Variants in ATRNL1 observed in about 807,000 individuals in gnomAD.
ATRNL1 encodes the protein attractin-like protein 1.
ATRNL1 carries 95 observed loss-of-function variants against 182.7 expected under a neutral mutation model. The observed-to-expected ratio is 0.52, with a 90% CI of 0.44 to 0.62. ATRNL1 has a LOEUF of 0.62. Ranked by LOEUF, ATRNL1 falls within the 20% of genes least tolerant of loss-of-function variation. The pLI is 0.00. For synonymous variants in ATRNL1, 576 were observed against 568.3 expected (o/e 1.01, Z -0.19); for missense variants, 1,471 against 1,679.5 (o/e 0.88, Z 2.17).
intron 26 of ATRNL1, among the ~76,000 whole-genome samples, chr10:115,651,254 A>G (rs1859981244): frequency 6.6e-6 from 1 of 150,630 alleles, no homozygotes; most frequent in Non-Finnish European, 1.5e-5. Context: ...AGGGCTACCT[A>G]TTGGGTACTA....
intron 26 of ATRNL1, among the ~76,000 whole-genome samples, chr10:115,604,588 C>A (rs1856777429): frequency 6.6e-6 from 1 of 152,132 alleles, no homozygotes; most frequent in Non-Finnish European, 1.5e-5. Flanking sequence ...CTGATTGACA[C>A]CCTACAACTC....
chr10:115,389,564 A>ATATATATATG (rs1843893488), intron 19 of ATRNL1, among the ~76,000 whole-genome samples: 1 of 112,876 alleles, frequency 8.9e-6, no homozygotes, highest in Non-Finnish European at 1.9e-5. Context: ...ATATATATAT[A>ATATATATATG]TATATATATA....
intron 19 of ATRNL1, among the ~76,000 whole-genome samples, chr10:115,346,532 A>G (rs1323550159): frequency 1.3e-5 from 2 of 152,190 alleles, no homozygotes; most frequent in Admixed American, 6.5e-5. Context: ...TCTTACACAC[A>G]TCATATTTTA....
At chr10:115,891,928 A>T (rs186082164) in intron 28 of ATRNL1, among the ~76,000 whole-genome samples, 1 of 152,324 alleles carries the variant, frequency 6.6e-6, no homozygotes, top group African/African-American at 2.4e-5. Flanking sequence ...TCAATTCATT[A>T]CAAATGTGCA....
At chr10:115,154,554 A>G (rs1846408972) in intron 5 of ATRNL1, among the ~76,000 whole-genome samples, 1 of 152,092 alleles carries the variant, frequency 6.6e-6, no homozygotes, top group South Asian at 2.1e-4. Flanking sequence ...ATCAGAGAAA[A>G]AGAATTGCAA....
At chr10:115,791,541 G>A (rs983214276) in intron 27 of ATRNL1, among the ~76,000 whole-genome samples, 14 of 152,100 alleles carry the variant, frequency 9.2e-5, no homozygotes, top group African/African-American at 3.4e-4. Context: ...GTATATTTGT[G>A]AATAATAATA....
chr10:115,314,457 G>A (rs951293201), intron 17 of ATRNL1, among the ~76,000 whole-genome samples: 30 of 152,154 alleles, frequency 2.0e-4, no homozygotes, highest in African/African-American at 7.2e-4. Flanking sequence ...ATTATACAAT[G>A]AAATTGAGTC....
intron 21 of ATRNL1, among the ~76,000 whole-genome samples, chr10:115,449,803 A>G (rs1847196940): frequency 6.6e-6 from 1 of 152,212 alleles, no homozygotes; most frequent in Non-Finnish European, 1.5e-5. Context: ...TTTCAATGCC[A>G]GCATCATCCT....
chr10:115,177,927 T>TC (rs1847593495), intron 8 of ATRNL1, among the ~76,000 whole-genome samples: 2 of 144,292 alleles, frequency 1.4e-5, no homozygotes, highest in African/African-American at 5.1e-5. Context: ...TTTTTTTGTT[T>TC]TTTTTTTTTT....
At chr10:115,750,497 C>G (rs1350323127) in intron 27 of ATRNL1, among the ~76,000 whole-genome samples, 1 of 151,670 alleles carries the variant, frequency 6.6e-6, no homozygotes, top group African/African-American at 2.4e-5. Flanking sequence ...AATTCAAAAA[C>G]TATTATGTTA....
At chr10:115,874,224 G>A (rs1951649081) in intron 28 of ATRNL1, among the ~76,000 whole-genome samples, 1 of 152,142 alleles carries the variant, frequency 6.6e-6, no homozygotes, top group Non-Finnish European at 1.5e-5. Flanking sequence ...TTAGAAAGCA[G>A]CATCCATAGC....
chr10:115,650,547 G>A (rs985401517), intron 26 of ATRNL1, among the ~76,000 whole-genome samples: 5 of 151,932 alleles, frequency 3.3e-5, no homozygotes, highest in Non-Finnish European at 5.9e-5. Flanking sequence ...ACTTCCAGTG[G>A]AACGCACACA....
chr10:115,134,236 G>A (rs1264786), intron 5 of ATRNL1, among the ~76,000 whole-genome samples: 6,368 of 151,554 alleles, frequency 0.042, 442 homozygotes, highest in African/African-American at 0.14. Context: ...CAAAAAATCA[G>A]TGAATCCAGG....
intron 8 of ATRNL1, among the ~76,000 whole-genome samples, chr10:115,195,526 G>A (rs1280160929): frequency 2.0e-5 from 3 of 151,850 alleles, no homozygotes; most frequent in African/African-American, 7.3e-5. Flanking sequence ...GCTGCTTTTG[G>A]ATCTGTTCCT....
intron 26 of ATRNL1, among the ~76,000 whole-genome samples, chr10:115,649,352 T>G (rs1555033694): frequency 6.6e-6 from 1 of 152,162 alleles, no homozygotes. Flanking sequence ...AATTAACGTT[T>G]TATTTCCAGC....
At chr10:115,738,498 C>T (rs1309353668) in intron 27 of ATRNL1, among the ~76,000 whole-genome samples, 4 of 151,962 alleles carry the variant, frequency 2.6e-5, no homozygotes, top group African/African-American at 9.7e-5. Context: ...ATAGGCACAC[C>T]TTTGGTTCTT....
intron 10 of ATRNL1, among the ~76,000 whole-genome samples, chr10:115,256,017 T>C (rs1851112898): frequency 6.6e-6 from 1 of 152,218 alleles, no homozygotes; most frequent in African/African-American, 2.4e-5. Flanking sequence ...AGCTTTTTGA[T>C]GTGCTGATGG....
At chr10:115,306,847 C>A (rs1204603813) in intron 17 of ATRNL1, among the ~76,000 whole-genome samples, 2 of 152,034 alleles carry the variant, frequency 1.3e-5, no homozygotes, top group African/African-American at 4.8e-5. Context: ...TTATACAGTG[C>A]AAATATAAAA....
At chr10:115,225,475 T>TTAATATCATATAATA (rs1849654482) in intron 9 of ATRNL1, among the ~76,000 whole-genome samples, 1 of 143,424 alleles carries the variant, frequency 7.0e-6, no homozygotes. Context: ...ATAAGGCAGA[T>TTAATATCATATAATA]TAATATAATA....
Sources: allele counts gnomAD v4.1 joint callset (sites outside exome capture counted in the v4.1 genomes callset), GRCh38; gene constraint gnomAD v4.1.1; transcripts MANE v1.5; gene names NCBI Gene and HGNC (gene_info 2026-07-23, HGNC 2026-07-21).